The following PFDN1 variants were observed in gnomAD, a reference collection of about 807,000 sequenced individuals.
PFDN1 encodes the protein prefoldin 1.
PFDN1 carries 6 observed loss-of-function variants against 17.3 expected under a neutral mutation model. That is an observed-to-expected ratio of 0.35 (90% confidence interval 0.19 to 0.69). The LOEUF (loss-of-function observed/expected upper bound fraction) is 0.69, where lower values mean the gene tolerates loss of function less well. PFDN1 is among the 30% of genes least tolerant of loss of function. The pLI is 0.65. For synonymous variants in PFDN1, 58 were observed against 50.1 expected (o/e 1.16, Z -0.67); for missense variants, 113 against 146.2 (o/e 0.77, Z 1.17).
At chr5:140,279,020 C>CAAAAAA (rs11445186) in intron 3 of PFDN1, among the ~76,000 whole-genome samples, 1 of 151,696 alleles carries the variant, frequency 6.6e-6, no homozygotes. Flanking sequence ...TGATGGGAAT[C>CAAAAAA]AAAAAAAGAA....
At chr5:140,294,530 CTTT>C (rs1765625505) in intron 2 of PFDN1, among the ~76,000 whole-genome samples, 1 of 151,964 alleles carries the variant, frequency 6.6e-6, no homozygotes, top group African/African-American at 2.4e-5. Context: ...TTCATCCCAC[CTTT>C]ACTAAATGCC....
chr5:140,272,702 A>T lies in PFDN1; in HGVS notation c.285+8747T>A, dbSNP rs201472208. On this transcript the variant is annotated intron_variant, in intron 3 of 3. Transcript: ENST00000261813. ...AAAGGAAATAATTATCACAAAAGTT[A>T]GGGAAGTAGTTACTTGATGGGAGAG... Among the ~76,000 whole-genome samples, 31 of 152,308 alleles carry T rather than the reference A, an allele frequency of 2.0e-4. No individual in the cohort carries two copies. The East Asian group carries it at 3.7e-3, about 18-fold the overall frequency.
intron 3 of PFDN1, among the ~76,000 whole-genome samples, chr5:140,255,256 CTCT>C (rs1221643582): frequency 2.0e-5 from 3 of 152,196 alleles, no homozygotes; most frequent in Admixed American, 1.3e-4. Context: ...TATGTATAGT[CTCT>C]TCTTTCTCTA....
chr5:140,274,183 T>C (rs1765255114), intron 3 of PFDN1, among the ~76,000 whole-genome samples: 1 of 152,180 alleles, frequency 6.6e-6, no homozygotes, highest in Non-Finnish European at 1.5e-5. Context: ...AAGATATAGA[T>C]CTCAATCTAT....
chr5:140,282,938 C>T (rs1403402256), intron 2 of PFDN1, among the ~76,000 whole-genome samples: 1 of 152,228 alleles, frequency 6.6e-6, no homozygotes, highest in Non-Finnish European at 1.5e-5. Flanking sequence ...AACATCATCT[C>T]TTAACAAAAA....
chr5:140,246,128 G>A, intron 3 of PFDN1, 71 bp from the exon 4 acceptor site: 1 of 905,376 alleles, frequency 1.1e-6, no homozygotes, highest in Non-Finnish European at 1.8e-6. Context: ...CAGCTTTGAT[G>A]TCCAATGGTT....
intron 3 of PFDN1, among the ~76,000 whole-genome samples, chr5:140,272,479 C>T (rs1420080218): frequency 6.6e-6 from 1 of 151,438 alleles, no homozygotes; most frequent in African/African-American, 2.4e-5. Flanking sequence ...TCGGCCTCAG[C>T]CTCCCAAGTA....
chr5:140,250,943 A>G (rs1764903733), intron 3 of PFDN1, among the ~76,000 whole-genome samples: 1 of 151,178 alleles, frequency 6.6e-6, no homozygotes, highest in African/African-American at 2.4e-5. Flanking sequence ...TATTCTTTTT[A>G]TTTTTTTTTG....
intron 2 of PFDN1, among the ~76,000 whole-genome samples, chr5:140,294,644 A>G (rs1392519240): frequency 6.6e-6 from 1 of 152,114 alleles, no homozygotes; most frequent in Non-Finnish European, 1.5e-5. Context: ...GCTGTCATAA[A>G]GAGTTCAGAT....
intron 3 of PFDN1, among the ~76,000 whole-genome samples, chr5:140,257,096 G>A (rs1265667915): frequency 2.6e-5 from 4 of 151,884 alleles, no homozygotes; most frequent in East Asian, 1.9e-4. Context: ...GGTGGCACAC[G>A]CCTGTAATCC....
At chr5:140,272,418 T>G (rs1380641159) in intron 3 of PFDN1, among the ~76,000 whole-genome samples, 2 of 148,788 alleles carry the variant, frequency 1.3e-5, no homozygotes, top group African/African-American at 5.0e-5. Flanking sequence ...TGGAGTGCAG[T>G]GGCATGATCT....
At chr5:140,272,604 C>G (rs1040467236) in intron 3 of PFDN1, among the ~76,000 whole-genome samples, 13 of 151,938 alleles carry the variant, frequency 8.6e-5, no homozygotes, top group Non-Finnish European at 1.8e-4. Context: ...ATGATCTACC[C>G]GCCTCAGCCT....
chr5:140,274,759 T>G (rs1331834723), intron 3 of PFDN1, among the ~76,000 whole-genome samples: 4 of 152,120 alleles, frequency 2.6e-5, no homozygotes, highest in Non-Finnish European at 5.9e-5. Context: ...CTTGTAATCC[T>G]AGCACTTTAG....
intron 2 of PFDN1, among the ~76,000 whole-genome samples, chr5:140,283,476 G>T (rs1412027043): frequency 1.3e-5 from 2 of 152,116 alleles, no homozygotes; most frequent in African/African-American, 4.8e-5. Context: ...CTCGTGATCT[G>T]CCCGCCTCGG....
intron 3 of PFDN1, among the ~76,000 whole-genome samples, chr5:140,271,128 T>A (rs1421316357): frequency 6.6e-6 from 1 of 152,104 alleles, no homozygotes; most frequent in Non-Finnish European, 1.5e-5. Context: ...GCATATATGG[T>A]GGGCTTTTTC....
At chr5:140,267,764 C>T (rs913052650) in intron 3 of PFDN1, among the ~76,000 whole-genome samples, 1 of 137,658 alleles carries the variant, frequency 7.3e-6, no homozygotes, top group Non-Finnish European at 1.6e-5. Context: ...AAAAAAAAAA[C>T]GCTAGTCATC....
chr5:140,274,825 GA>G (rs1287602996), intron 3 of PFDN1, among the ~76,000 whole-genome samples: 1 of 151,906 alleles, frequency 6.6e-6, no homozygotes, highest in Non-Finnish European at 1.5e-5. Context: ...CCAACATGGT[GA>G]AACACAGTCT....
chr5:140,295,948 C>T (rs933107513), intron 2 of PFDN1, among the ~76,000 whole-genome samples: 4 of 151,744 alleles, frequency 2.6e-5, no homozygotes, highest in Non-Finnish European at 4.4e-5. Context: ...AGCCTTTATT[C>T]TCTAAGGATT....
intron 2 of PFDN1, among the ~76,000 whole-genome samples, chr5:140,297,183 T>A (rs2126702074): frequency 6.6e-6 from 1 of 152,314 alleles, no homozygotes; most frequent in African/African-American, 2.4e-5. Context: ...GTTTTGGATT[T>A]TATTATAACC....
Sources: gnomAD v4.1 joint callset for allele counts (sites outside exome capture counted in the v4.1 genomes callset) on GRCh38, gnomAD v4.1.1 for gene constraint, MANE v1.5 for transcripts, NCBI Gene and HGNC (gene_info 2026-07-23, HGNC 2026-07-21) for gene names.